KANK4: variants seen among roughly 807,000 people sequenced by gnomAD.
KANK4 encodes the protein KN motif and ankyrin repeat domains 4, also known as KN motif and ankyrin repeat domain-containing protein 4.
Under a neutral mutation model 80.8 loss-of-function variants are expected in KANK4, and 50 were observed. The ratio of observed to expected loss-of-function variants is 0.62; its 90% CI spans 0.49 to 0.78. KANK4 has a LOEUF of 0.78. Ranked by LOEUF, KANK4 falls within the 30% of genes least tolerant of loss-of-function variation. KANK4 has a pLI of 0.00. For synonymous variants in KANK4, 465 were observed against 506.9 expected (o/e 0.92, Z 1.11); for missense variants, 1,196 against 1,240.1 (o/e 0.96, Z 0.53).
chr1:62,316,260 C>T (rs865890575), intron 1 of KANK4, among the ~76,000 whole-genome samples: 9 of 152,312 alleles, frequency 5.9e-5, no homozygotes, highest in Non-Finnish European at 8.8e-5. Context: ...AGGCAAAGGG[C>T]GGTGAACAGG....
chr1:62,242,361 CAAAAAAAAAAA>C (rs57320794), intron 9 of KANK4, among the ~76,000 whole-genome samples: 23 of 66,148 alleles, frequency 3.5e-4, no homozygotes, highest in African/African-American at 4.4e-4. Flanking sequence ...GACCATACCT[CAAAAAAAAAAA>C]AAAAAAAAAA....
intron 1 of KANK4, among the ~76,000 whole-genome samples, chr1:62,317,636 C>T (rs980484168): frequency 1.6e-4 from 24 of 152,252 alleles, no homozygotes; most frequent in Admixed American, 3.9e-4. Flanking sequence ...CTCTCACACG[C>T]GGCTACTTCT....
intron 7 of KANK4, among the ~76,000 whole-genome samples, chr1:62,259,627 G>A (rs1671831498): frequency 6.6e-6 from 1 of 151,766 alleles, no homozygotes; most frequent in African/African-American, 2.4e-5. Flanking sequence ...GGTGATCTAG[G>A]GCAAGTTTGC....
Position 62,237,634 on chromosome 1 carries a change from C to A in KANK4, c.*643G>T, listed in dbSNP as rs2149109767. On this transcript the variant is annotated 3_prime_UTR_variant, in exon 10 of 10. Transcript: ENST00000371153. The stretch of plus-strand genomic sequence containing the variant: ...AGCCACTAGATGACTCAGAAATAGT[C>A]AAGACTGTACATATGGCATTGATGC... 6.6e-6 allele frequency: 1 copy of A among 152,180 alleles called. No individual in the cohort carries two copies. Among genetic ancestry groups the A allele is most frequent in the Non-Finnish European group, 1.5e-5 (1 of 68,006 alleles). The allele number at this position is 152,180 out of a possible 1,614,324, so 9.4% of individuals were successfully genotyped here.
chr1:62,317,946 C>T (rs1161510809), intron 1 of KANK4, among the ~76,000 whole-genome samples: 2 of 152,160 alleles, frequency 1.3e-5, no homozygotes, highest in African/African-American at 4.8e-5. Flanking sequence ...CTCACTTTCC[C>T]CAGGTCACAT....
At chr1:62,250,371 C>T (rs183978913) in intron 8 of KANK4, among the ~76,000 whole-genome samples, 61 of 152,332 alleles carry the variant, frequency 4.0e-4, no homozygotes, top group African/African-American at 1.3e-3. Flanking sequence ...CTTCCTTCCT[C>T]ATTGTCCTCC....
rs1672161008 is a variant in KANK4 at position 62,271,487 on chromosome 1, A to T, written c.2003T>A (p.Val668Asp). The change falls in exon 4 of 10, where the codon GTT (valine) becomes GAT (aspartate). Residue 668 changes from valine to aspartate, a missense_variant. Physicochemically the swap from Val to Asp is radical, Grantham distance 152. This residue lies in a region of KANK4 where 1,154 missense variants were observed against 1,179.6 expected (regional missense o/e 0.98). Transcript: ENST00000371153. ...CACAAGCGATGCTTACCCACCGTTAACCCCAACAAACTGAAGGTTCTTTTT... is the reference window on the plus strand; with the variant it reads ...CACAAGCGATGCTTACCCACCGTTATCCCCAACAAACTGAAGGTTCTTTTT... ...GTKKNLQFVG[V>D]NGGYETTSSE... is the part of the protein sequence containing the mutation. 10 of 1,611,322 alleles carry T rather than the reference A, an allele frequency of 6.2e-6. No homozygotes were observed. In the East Asian group the frequency reaches 2.0e-4, roughly 32 times the overall value.
At chr1:62,300,226 G>A (rs1184624630) in intron 1 of KANK4, among the ~76,000 whole-genome samples, 1 of 152,144 alleles carries the variant, frequency 6.6e-6, no homozygotes, top group African/African-American at 2.4e-5. Flanking sequence ...AAGGCATGAA[G>A]TTCAATAGCC....
intron 4 of KANK4, among the ~76,000 whole-genome samples, chr1:62,270,547 A>G (rs554915876): frequency 2.6e-5 from 4 of 151,638 alleles, no homozygotes; most frequent in Non-Finnish European, 5.9e-5. Flanking sequence ...CCCACACCCA[A>G]CTAATTTTGT....
chr1:62,299,438 G>A (rs116161508), intron 1 of KANK4, among the ~76,000 whole-genome samples: 2 of 152,088 alleles, frequency 1.3e-5, no homozygotes, highest in African/African-American at 4.8e-5. Flanking sequence ...GTGGTGAGCT[G>A]GTACCTGATG....
rs202244622 is a variant in KANK4 at position 62,274,097 on chromosome 1, C to G, written c.1007G>C (p.Arg336Thr). Residue 336 changes from arginine (R) to threonine (T), a missense_variant, in exon 3 of 10, where the codon AGG (arginine) becomes ACG (threonine). Physicochemically the swap from Arg to Thr is moderately conservative, Grantham distance 71. Around this residue, in one of 3 missense-constraint regions of KANK4, gnomAD observed 1,154 missense variants for 1,179.6 expected, o/e 0.98. Coordinates refer to ENST00000371153, the MANE Select transcript of KANK4 (RefSeq NM_181712.5). ...GCTGGAGATGCTGCCTGGATCCACC[C>G]TGGCAAGGCCCAGGCTTTCCTCAGT... The part of the protein sequence containing the change: ...RVTEESLGLA[R>T]VDPGSISSLK... 3 of 1,614,208 alleles carry G rather than the reference C, an allele frequency of 1.9e-6. No homozygotes were observed. Among genetic ancestry groups the G allele is most frequent in the Non-Finnish European group, 2.5e-6 (3 of 1,180,050 alleles).
Position 62,255,242 on chromosome 1 carries a change from T to A in KANK4, c.2540-2033A>T, listed in dbSNP as rs1671725175. The stretch of plus-strand genomic sequence containing the variant: ...ATGAGAACTTTAAAGAAAGTTCTGC[T>A]TTGTAGCCCTGGGGATATGTATCCA... On this transcript the variant is annotated intron_variant, in intron 7 of 9. Coordinates refer to ENST00000371153, the MANE Select transcript of KANK4 (RefSeq NM_181712.5). 8.5e-5 allele frequency among the ~76,000 whole-genome samples: 13 copies of A among 152,126 alleles called. No homozygotes were observed. In the South Asian group the frequency reaches 2.7e-3, roughly 32 times the overall value.
At chr1:62,278,342 T>C (rs1349737550) in intron 2 of KANK4, among the ~76,000 whole-genome samples, 1 of 20,494 alleles carries the variant, frequency 4.9e-5, no homozygotes, top group Middle Eastern at 0.016. Context: ...CCTTCCTTCC[T>C]TCCTTCCTTC....
chr1:62,263,068 T>G, intron 7 of KANK4, 24 bp downstream of exon 7: 1 of 1,566,320 alleles, frequency 6.4e-7, no homozygotes, highest in Non-Finnish European at 8.8e-7. Flanking sequence ...GGACCCAGAC[T>G]GTATGAATGC....
chr1:62,260,721 A>G (rs1671864868), intron 7 of KANK4, among the ~76,000 whole-genome samples: 1 of 152,164 alleles, frequency 6.6e-6, no homozygotes, highest in African/African-American at 2.4e-5. Flanking sequence ...GGGACCCTGC[A>G]GAATCTGACA....
In KANK4 at chr1:62,274,153, C is replaced by T; in HGVS notation, c.951G>A (p.Glu317=). 1 of 1,614,188 alleles carries T rather than the reference C, an allele frequency of 6.2e-7. No individual in the cohort carries two copies. Among genetic ancestry groups the T allele is most frequent in the Non-Finnish European group, 8.5e-7 (1 of 1,180,042 alleles). ...ISEIPPPPPV[E]VDMRSIGIRV... ...TGATGCCAATGCTTCTCATGTCCAC[C>T]TCTACAGGTGGCGGGGGTGGAATCT... Residue 317 remains glutamate (E), a synonymous_variant, in exon 3 of 10, where the codon GAG becomes GAA. Transcript: ENST00000371153.
intron 9 of KANK4, among the ~76,000 whole-genome samples, chr1:62,239,066 C>CT (rs373105020): frequency 0.037 from 5,265 of 140,756 alleles, 165 homozygotes; most frequent in South Asian, 0.13. Flanking sequence ...GTTGTTGGTT[C>CT]TTTTTTTTTT....
intron 2 of KANK4, among the ~76,000 whole-genome samples, chr1:62,278,171 A>G (rs551932721): frequency 3.3e-4 from 50 of 152,162 alleles, no homozygotes; most frequent in African/African-American, 1.2e-3. Flanking sequence ...GCATCTTGCC[A>G]AGGATTAACA....
At chr1:62,302,128 C>G (rs17123402) in intron 1 of KANK4, among the ~76,000 whole-genome samples, 9,445 of 152,052 alleles carry the variant, frequency 0.062, 964 homozygotes, top group African/African-American at 0.21. Context: ...TTCAAAAGAG[C>G]AGGAGGCAGA....
Sources: allele counts gnomAD v4.1 joint callset (sites outside exome capture counted in the v4.1 genomes callset), GRCh38; gene constraint gnomAD v4.1.1; regional missense constraint gnomAD v4.1.1; transcripts MANE v1.5; gene names NCBI Gene and HGNC (gene_info 2026-07-23, HGNC 2026-07-21).